UQCRB: variants seen among roughly 807,000 people sequenced by gnomAD.
The protein encoded by UQCRB is ubiquinol-cytochrome c reductase binding protein.
In UQCRB, 12 loss-of-function variants were observed where a neutral mutation model predicts 19.8. That is an observed-to-expected ratio of 0.61 (90% confidence interval 0.39 to 0.98). The LOEUF is 0.98. UQCRB is among the 50% of genes least tolerant of loss of function. The pLI, the probability that UQCRB is intolerant of heterozygous loss-of-function variation, is 0.00. For synonymous variants in UQCRB, 39 were observed against 42.9 expected (o/e 0.91, Z 0.35); for missense variants, 142 against 131.8 (o/e 1.08, Z -0.38).
rs1390318938 is a variant in UQCRB, at chr8:96,224,265, G to C, written c.*6790C>G. On this transcript the variant is annotated 3_prime_UTR_variant, in exon 4 of 4. Coordinates refer to ENST00000287022, the MANE Select transcript of UQCRB (RefSeq NM_006294.5). ...GATAGCAGAGTGGGGAGGGATGGAAGGGAGAGCTGTAGGAATCTTGAGAGG... is the reference window on the plus strand; with the variant it reads ...GATAGCAGAGTGGGGAGGGATGGAACGGAGAGCTGTAGGAATCTTGAGAGG... Among the ~76,000 whole-genome samples the C allele has an allele frequency of 6.6e-6, 1 of 152,150 alleles. No individual in the cohort carries two copies. The highest frequency in any genetic ancestry group is 1.5e-5 in the Non-Finnish European group (1 of 68,034).
intron 3 of UQCRB, chr8:96,231,394 A>G (rs545388634): frequency 1.6e-5 from 25 of 1,538,286 alleles, no homozygotes; most frequent in African/African-American, 1.1e-4. Flanking sequence ...CCTAGTTTCA[A>G]TGCAGTTCAA....
Position 96,224,517 on chromosome 8 carries a change from A to G in UQCRB, c.*6538T>C, listed in dbSNP as rs1305744823. Among the ~76,000 whole-genome samples, 1 of 152,202 alleles carries G rather than the reference A, an allele frequency of 6.6e-6. No individual in the cohort carries two copies. Among genetic ancestry groups the G allele is most frequent in the African/African-American group, 2.4e-5 (1 of 41,454 alleles). The stretch of plus-strand genomic sequence containing the variant: ...ATCCAGAAGGGACAAGAGTAGATTT[A>G]GAATATGCAGCACAGCCAACGTCTC... On this transcript the variant is annotated 3_prime_UTR_variant, in exon 4 of 4. Transcript: ENST00000287022.
In UQCRB at chr8:96,225,059, C is replaced by T. The variant is rs1809504139; in HGVS notation, c.*5996G>A. 6.6e-6 allele frequency among the ~76,000 whole-genome samples: 1 copy of T among 151,882 alleles called. No individual in the cohort carries two copies. ...TATCTAAACATATAAAGGTCTCATACAAATAGATAAGAACTGACCCAGGTT... is the reference window on the plus strand; with the variant it reads ...TATCTAAACATATAAAGGTCTCATATAAATAGATAAGAACTGACCCAGGTT... On this transcript the variant is annotated 3_prime_UTR_variant, in exon 4 of 4. Transcript: ENST00000287022.
chr8:96,228,072 G>T lies in UQCRB; in HGVS notation c.*2983C>A, dbSNP rs777422902. The T allele has an allele frequency of 4.4e-6, 2 of 454,076 alleles. No individual in the cohort carries two copies. The highest frequency in any genetic ancestry group is 3.1e-5 in the South Asian group (2 of 64,480). 28.1% of individuals were successfully genotyped at this position (454,076 alleles called of 1,614,324 possible). A position where few individuals can be genotyped will look rare whatever the true frequency, so the allele number is the denominator to read the frequency against. ...TCCCTTACGCTGCTTCCTACATCTT[G>T]ACAACAGGAAGGCCAAGTGATACTA... is the stretch of plus-strand genomic sequence containing the variant. On this transcript the variant is annotated 3_prime_UTR_variant, in exon 4 of 4. Coordinates refer to ENST00000287022, the MANE Select transcript of UQCRB (RefSeq NM_006294.5).
At chr8:96,231,157 T>C (rs1291011573) in intron 3 of UQCRB, 25 bp from the exon 4 acceptor site, 3 of 1,614,152 alleles carry the variant, frequency 1.9e-6, no homozygotes, top group Non-Finnish European at 1.7e-6. Context: ...AAATATTATA[T>C]GTTACCATCA....
chr8:96,223,279 T>C lies in UQCRB; in HGVS notation c.*7776A>G, dbSNP rs1563532022. On this transcript the variant is annotated 3_prime_UTR_variant, in exon 4 of 4. Coordinates refer to ENST00000287022, the MANE Select transcript of UQCRB (RefSeq NM_006294.5). ...TATGTATATTTGTATCAAAACATCA[T>C]GCTGTACACCTTAAATAAAAAAGAA... 6.6e-6 allele frequency among the ~76,000 whole-genome samples: 1 copy of C among 152,220 alleles called. No individual in the cohort carries two copies. Among genetic ancestry groups the C allele is most frequent in the East Asian group, 1.9e-4 (1 of 5,198 alleles).
In UQCRB at chr8:96,230,500, A is replaced by G. The variant is rs920979710; in HGVS notation, c.*555T>C. The G allele has an allele frequency of 1.1e-5, 5 of 453,984 alleles. No individual in the cohort carries two copies. Among genetic ancestry groups the G allele is most frequent in the African/African-American group, 8.0e-5 (4 of 50,010 alleles). 28.1% of individuals were successfully genotyped at this position (453,984 alleles called of 1,614,324 possible). A position where few individuals can be genotyped will look rare whatever the true frequency, so the allele number is the denominator to read the frequency against. On this transcript the variant is annotated 3_prime_UTR_variant, in exon 4 of 4. Transcript: ENST00000287022. ...GTGGAAAAGTCACTGGGATATGGGG[A>G]CAGTATGATTTGTCTTTATACTTTT...
rs1001327772 is a variant in UQCRB at position 96,228,791 on chromosome 8, A to G, written c.*2264T>C. 8 of 454,014 alleles carry G rather than the reference A, an allele frequency of 1.8e-5. No individual in the cohort carries two copies. The highest frequency in any genetic ancestry group is 1.4e-4 in the African/African-American group (7 of 50,020). 28.1% of individuals were successfully genotyped at this position (454,014 alleles called of 1,614,324 possible). A position where few individuals can be genotyped will look rare whatever the true frequency, so the allele number is the denominator to read the frequency against. ...AAATAGATTCAGACCTGTGCAGTCT[A>G]ACCCAGAATTAGCTCTGAATCACTC... On this transcript the variant is annotated 3_prime_UTR_variant, in exon 4 of 4. Coordinates refer to ENST00000287022, the MANE Select transcript of UQCRB (RefSeq NM_006294.5).
In UQCRB at chr8:96,231,955, A is replaced by G. The variant is rs201177719; in HGVS notation, c.92-15T>C. The G allele has an allele frequency of 2.5e-5, 40 of 1,611,580 alleles. No homozygotes were observed. The Admixed American group carries it at 4.0e-4, about 16-fold the overall frequency. On this transcript the variant is annotated splice_polypyrimidine_tract_variant and intron_variant, in intron 2 of 3. Coordinates refer to ENST00000287022, the MANE Select transcript of UQCRB (RefSeq NM_006294.5). Reference sequence around the variant, plus strand: ...TCGCATTAACCCTATGATAGATGACAAAGTTAGATTGCACATGCATCTCAA... The same window carrying G: ...TCGCATTAACCCTATGATAGATGACGAAGTTAGATTGCACATGCATCTCAA...
At position 96,233,155 on chromosome 8, in the gene UQCRB, C is replaced by T; in HGVS notation, c.91+1G>A. The stretch of plus-strand genomic sequence containing the variant: ...AAACATTAAACAGCACAGCTGCTTA[C>T]CCAGTTTATTGAATCCTGCAGCATT... On this transcript the variant is annotated splice_donor_variant, in intron 2 of 3. Coordinates refer to ENST00000287022, the MANE Select transcript of UQCRB (RefSeq NM_006294.5). LOFTEE classifies it high-confidence loss of function. 1 of 1,611,042 alleles carries T rather than the reference C, an allele frequency of 6.2e-7. No individual in the cohort carries two copies. The highest frequency in any genetic ancestry group is 1.3e-5 in the African/African-American group (1 of 74,614).
In UQCRB at chr8:96,223,174, G is replaced by T. The variant is rs1284762720; in HGVS notation, c.*7881C>A. 1.3e-5 allele frequency among the ~76,000 whole-genome samples: 2 copies of T among 149,302 alleles called. No individual in the cohort carries two copies. The highest frequency in any genetic ancestry group is 4.9e-5 in the African/African-American group (2 of 40,468). ...AATTTGCTGAAAGTGTAGATTTTAGGTGCTCACCAGACACACATACACAAA... is the reference window on the plus strand; with the variant it reads ...AATTTGCTGAAAGTGTAGATTTTAGTTGCTCACCAGACACACATACACAAA... On this transcript the variant is annotated 3_prime_UTR_variant, in exon 4 of 4. Transcript: ENST00000287022.
intron 3 of UQCRB, chr8:96,231,442 T>A: frequency 1.3e-6 from 2 of 1,535,942 alleles, no homozygotes; most frequent in Non-Finnish European, 8.7e-7. Flanking sequence ...CTTCTTGGGA[T>A]CTGGAGGGAC....
Position 96,229,473 on chromosome 8 carries a change from T to C in UQCRB, c.*1582A>G, listed in dbSNP as rs114552511. On this transcript the variant is annotated 3_prime_UTR_variant, in exon 4 of 4. Coordinates refer to ENST00000287022, the MANE Select transcript of UQCRB (RefSeq NM_006294.5). Reference sequence around the variant, plus strand: ...GTAGTCTCCTTGTAATTGTGCACAGTAGACGTCTGAACGAATAGACCAGAG... The same window carrying C: ...GTAGTCTCCTTGTAATTGTGCACAGCAGACGTCTGAACGAATAGACCAGAG... 5.7e-3 allele frequency: 2,588 copies of C among 454,136 alleles called. 66 individuals are homozygous for C. Among genetic ancestry groups the C allele is most frequent in the African/African-American group, 0.046 (2,320 of 50,126 alleles). The allele number at this position is 454,136 out of a possible 1,614,324, so 28.1% of individuals were successfully genotyped here.
chr8:96,230,201 G>C lies in UQCRB; in HGVS notation c.*854C>G. 1 of 449,772 alleles carries C rather than the reference G, an allele frequency of 2.2e-6. No individual in the cohort carries two copies. Among genetic ancestry groups the C allele is most frequent in the South Asian group, 1.6e-5 (1 of 64,130 alleles). The allele number at this position is 449,772 out of a possible 1,614,324, so 27.9% of individuals were successfully genotyped here. Reference sequence around the variant, plus strand: ...AGCAATTCTCCTCCCTCAGCCTCCCGAGTAGCTGGGATTACAGGTGCCTAC... The same window carrying C: ...AGCAATTCTCCTCCCTCAGCCTCCCCAGTAGCTGGGATTACAGGTGCCTAC... On this transcript the variant is annotated 3_prime_UTR_variant, in exon 4 of 4. Coordinates refer to ENST00000287022, the MANE Select transcript of UQCRB (RefSeq NM_006294.5).
rs577844002 is a variant in UQCRB, at chr8:96,231,920, T to C, written c.112A>G (p.Ile38Val). 30 of 1,613,566 alleles carry C rather than the reference T, an allele frequency of 1.9e-5. No individual in the cohort carries two copies. The highest frequency in any genetic ancestry group is 1.6e-4 in the Middle Eastern group (1 of 6,062). Reference protein sequence around the residue: ...NKLGLMRDDTIYEDEDVKEAI... With the variant: ...NKLGLMRDDTVYEDEDVKEAI... ...TCTTTTACATCTTCATCCTCGTATA[T>C]TGTATCATCTCGCATTAACCCTATG... The change falls in exon 3 of 4, where the codon ATA (isoleucine) becomes GTA (valine). Residue 38 changes from isoleucine to valine, a missense_variant. By Grantham distance (29) the Ile-to-Val change is conservative. Transcript: ENST00000287022.
Position 96,224,032 on chromosome 8 carries a change from C to G in UQCRB, c.*7023G>C, listed in dbSNP as rs1237821608. Among the ~76,000 whole-genome samples, 1 of 152,116 alleles carries G rather than the reference C, an allele frequency of 6.6e-6. No homozygotes were observed. The highest frequency in any genetic ancestry group is 1.5e-5 in the Non-Finnish European group (1 of 68,016). Reference sequence around the variant, plus strand: ...CCTCAAAGAAGCAAGCTTTGGTTTTCCAGGAACTGACCACAAACCAGTTCC... The same window carrying G: ...CCTCAAAGAAGCAAGCTTTGGTTTTGCAGGAACTGACCACAAACCAGTTCC... On this transcript the variant is annotated 3_prime_UTR_variant, in exon 4 of 4. Transcript: ENST00000287022.
Position 96,227,021 on chromosome 8 carries a change from G to T in UQCRB, c.*4034C>A, listed in dbSNP as rs974418863. On this transcript the variant is annotated 3_prime_UTR_variant, in exon 4 of 4. Coordinates refer to ENST00000287022, the MANE Select transcript of UQCRB (RefSeq NM_006294.5). ...ACATGTTATGGCTTTTAATATGAAC[G>T]CCAGTATAACCAGAATGTAAACAAA... 4.4e-6 allele frequency: 2 copies of T among 453,792 alleles called. No homozygotes were observed. Among genetic ancestry groups the T allele is most frequent in the Non-Finnish European group, 8.8e-6 (2 of 226,738 alleles). The allele number at this position is 453,792 out of a possible 1,614,324, so 28.1% of individuals were successfully genotyped here.
chr8:96,231,410 G>A (rs931965178), intron 3 of UQCRB: 2 of 1,536,908 alleles, frequency 1.3e-6, no homozygotes, highest in Admixed American at 2.0e-5. Flanking sequence ...TTCAAGGGGT[G>A]AGAGTTTGCT....
At position 96,227,130 on chromosome 8, in the gene UQCRB, T is replaced by A. The variant is rs1161904037; in HGVS notation, c.*3925A>T. 1 of 452,082 alleles carries A rather than the reference T, an allele frequency of 2.2e-6. No individual in the cohort carries two copies. The allele number at this position is 452,082 out of a possible 1,614,324, so 28.0% of individuals were successfully genotyped here. On this transcript the variant is annotated 3_prime_UTR_variant, in exon 4 of 4. Transcript: ENST00000287022. ...GTTCCTTATACAGTCATCTGGTATG[T>A]TTAAAGAGTGAGCAATCATATAAAA... is the stretch of plus-strand genomic sequence containing the variant.
Sources: allele counts gnomAD v4.1 joint callset (sites outside exome capture counted in the v4.1 genomes callset), GRCh38; gene constraint gnomAD v4.1.1; transcripts MANE v1.5; gene names NCBI Gene and HGNC (gene_info 2026-07-23, HGNC 2026-07-21).